The following JADE2 variants were observed in gnomAD, a reference collection of about 807,000 sequenced individuals.
JADE2 encodes the protein jade family PHD finger 2.
JADE2 carries 13 observed loss-of-function variants against 85.7 expected under a neutral mutation model. The observed-to-expected ratio is 0.15, with a 90% CI of 0.10 to 0.24. JADE2 has a LOEUF of 0.24. Among genes scored for constraint, JADE2 ranks in the 10% least tolerant of loss-of-function variants. The pLI, the probability that JADE2 is intolerant of heterozygous loss-of-function variation, is 1.00. For synonymous variants in JADE2, 440 were observed against 456.1 expected (o/e 0.96, Z 0.45); for missense variants, 846 against 1,115.9 (o/e 0.76, Z 3.45).
intron 1 of JADE2, among the ~76,000 whole-genome samples, chr5:134,531,589 C>T (rs1761239333): frequency 1.4e-5 from 2 of 147,082 alleles, no homozygotes; most frequent in African/African-American, 5.0e-5. Context: ...TGATTTATAC[C>T]TTTTTTTTTT....
intron 3 of JADE2, among the ~76,000 whole-genome samples, chr5:134,551,653 C>T (rs938805097): frequency 9.9e-5 from 15 of 152,036 alleles, no homozygotes; most frequent in African/African-American, 3.6e-4. Flanking sequence ...GTTGGGATTA[C>T]AGGCATGAGC....
chr5:134,554,182 A>G (rs1311360379), intron 4 of JADE2, among the ~76,000 whole-genome samples: 1 of 152,172 alleles, frequency 6.6e-6, no homozygotes, highest in Non-Finnish European at 1.5e-5. Flanking sequence ...GCAGACTCGA[A>G]GCCCCAATAG....
intron 4 of JADE2, among the ~76,000 whole-genome samples, chr5:134,556,674 G>GCA (rs200331658): frequency 2.9e-4 from 16 of 55,328 alleles, no homozygotes; most frequent in African/African-American, 9.0e-4. Context: ...CATACCACAT[G>GCA]CACACACACA....
intron 9 of JADE2, among the ~76,000 whole-genome samples, chr5:134,570,600 T>G (rs575212510): frequency 6.6e-6 from 1 of 152,298 alleles, no homozygotes; most frequent in East Asian, 1.9e-4. Flanking sequence ...CCACCTGGGC[T>G]GCCTGCAGCC....
Position 134,525,812 on chromosome 5 carries a change from C to A in JADE2, c.-200C>A, listed in dbSNP as rs978168808. 13 of 1,012,218 alleles carry A rather than the reference C, an allele frequency of 1.3e-5. No individual in the cohort carries two copies. Among genetic ancestry groups the A allele is most frequent in the South Asian group, 3.5e-5 (1 of 28,672 alleles). The allele number at this position is 1,012,218 out of a possible 1,614,324, so 62.7% of individuals were successfully genotyped here. ...ACCGGCTTAGGTCCTGCGGGCCGAC[C>A]GTCCCCGGCGGGGGGCGTGGGGCCT... On this transcript the variant is annotated 5_prime_UTR_variant, in exon 1 of 12. Coordinates refer to ENST00000681547, the MANE Select transcript of JADE2 (RefSeq NM_001388185.1).
rs887782346 is a variant in JADE2, at chr5:134,561,562, G to A, written c.684+605G>A. Among the ~76,000 whole-genome samples the A allele has an allele frequency of 2.7e-5, 4 of 148,330 alleles. No individual in the cohort carries two copies. In the Admixed American group the frequency reaches 2.7e-4, roughly 10 times the overall value. ...AGGCTCTAGGTCTTGAGTATCTCTGGGCCTTGACTGCAGACCTGACTGGGA... is the reference window on the plus strand; with the variant it reads ...AGGCTCTAGGTCTTGAGTATCTCTGAGCCTTGACTGCAGACCTGACTGGGA... On this transcript the variant is annotated intron_variant, in intron 6 of 11. Transcript: ENST00000681547.
rs900934098 is a variant in JADE2, at chr5:134,578,399, C to T, written c.1682-95C>T. 3 of 924,644 alleles carry T rather than the reference C, an allele frequency of 3.2e-6. No individual in the cohort carries two copies. Among genetic ancestry groups the T allele is most frequent in the South Asian group, 1.6e-5 (1 of 62,426 alleles). 57.3% of individuals were successfully genotyped at this position (924,644 alleles called of 1,614,324 possible). A position where few individuals can be genotyped will look rare whatever the true frequency, so the allele number is the denominator to read the frequency against. ...CTGGCACAGGGGGACAGAGAGAAGA[C>T]GATGCCTGGTGGTGTGCTGGGAGCG... On this transcript the variant is annotated intron_variant, in intron 11 of 11. Coordinates refer to ENST00000681547, the MANE Select transcript of JADE2 (RefSeq NM_001388185.1). The surrounding 1 kb of genome is among the most constrained non-coding windows in gnomAD (Gnocchi z 4.4).
Position 134,525,738 on chromosome 5 carries a change from G to T in JADE2, c.-274G>T, listed in dbSNP as rs746209708. On this transcript the variant is annotated 5_prime_UTR_variant, in exon 1 of 12. Transcript: ENST00000681547. ...ATCGCAGTTGGAGGCTATTTTTTGG[G>T]GGGGGTGAGTAGCGTCCATGGAGTT... is the stretch of plus-strand genomic sequence containing the variant. 2.9e-5 allele frequency: 36 copies of T among 1,231,898 alleles called. No individual in the cohort carries two copies. The highest frequency in any genetic ancestry group is 3.5e-5 in the Non-Finnish European group (34 of 965,018). The allele number at this position is 1,231,898 out of a possible 1,614,324, so 76.3% of individuals were successfully genotyped here.
At chr5:134,563,090 G>A (rs329307) in intron 7 of JADE2, among the ~76,000 whole-genome samples, 61,552 of 151,714 alleles carry the variant, frequency 0.41, 13,335 homozygotes, top group Non-Finnish European at 0.48. Flanking sequence ...GGCCGAGGTG[G>A]GTGAATCACT....
chr5:134,534,755 A>C (rs1182063306), intron 1 of JADE2, among the ~76,000 whole-genome samples: 1 of 152,116 alleles, frequency 6.6e-6, no homozygotes, highest in African/African-American at 2.4e-5. Context: ...TCAGTCAGGG[A>C]ACACAGGGGA....
rs1434291757 is a variant in JADE2, at chr5:134,552,884, G to A, written c.311+675G>A. ...GATGGGGATTTGCCATGTTGCCCGG[G>A]CTGATCTTGAACTCCTGGGCTCAAG... On this transcript the variant is annotated intron_variant, in intron 4 of 11. Coordinates refer to ENST00000681547, the MANE Select transcript of JADE2 (RefSeq NM_001388185.1). Among the ~76,000 whole-genome samples the A allele has an allele frequency of 4.6e-5, 7 of 151,682 alleles. No homozygotes were observed. The East Asian group carries it at 1.2e-3, about 25-fold the overall frequency.
rs1428098316 is a variant in JADE2 at position 134,579,199 on chromosome 5, A to G, written c.2387A>G (p.Tyr796Cys). The G allele has an allele frequency of 6.2e-7, 1 of 1,614,226 alleles. No individual in the cohort carries two copies. The highest frequency in any genetic ancestry group is 8.5e-7 in the Non-Finnish European group (1 of 1,180,044). The change falls in exon 12 of 12, where the codon TAC becomes TGC. Residue 796 changes from tyrosine to cysteine, a missense_variant. Physicochemically the swap from Tyr to Cys is radical, Grantham distance 194. This residue lies in a region of JADE2 where 300 missense variants were observed against 300.7 expected (regional missense o/e 1.00). Transcript: ENST00000681547. This position sits in a 1 kb window ranked among gnomAD's most constrained non-coding sequence, Gnocchi z 4.6. ...CATTTTGACACTGAGACTGATGGCT[A>G]CTTCTCTGATGGGGAGATGAGCGAC... ...SLHFDTETDG[Y>C]FSDGEMSDSD...
chr5:134,571,420 C>T (rs537153202), intron 9 of JADE2, among the ~76,000 whole-genome samples: 1 of 152,196 alleles, frequency 6.6e-6, no homozygotes, highest in Non-Finnish European at 1.5e-5. Flanking sequence ...AGCCCTGGGC[C>T]GGGCGCGGTG....
Position 134,538,104 on chromosome 5 carries a change from C to G in JADE2, c.153+21C>G, listed in dbSNP as rs768224174. 5 of 1,583,150 alleles carry G rather than the reference C, an allele frequency of 3.2e-6. No individual in the cohort carries two copies. The South Asian group carries it at 5.5e-5, about 18-fold the overall frequency. On this transcript the variant is annotated intron_variant, in intron 3 of 11. Transcript: ENST00000681547. ...CCGAGGTGGGTAGTGATGAGCTTCC[C>G]AGAGATCTGTGGGGAGTGAGAGTGA... is the stretch of plus-strand genomic sequence containing the variant.
rs990341113 is a variant in JADE2 at position 134,580,122 on chromosome 5, GC to G, written c.*806del. 3.3e-5 allele frequency: 5 copies of G among 152,814 alleles called. No homozygotes were observed. The East Asian group carries it at 7.7e-4, about 24-fold the overall frequency. The allele number at this position is 152,814 out of a possible 1,614,324, so 9.5% of individuals were successfully genotyped here. A position where few individuals can be genotyped will look rare whatever the true frequency, so the allele number is the denominator to read the frequency against. On this transcript the variant is annotated 3_prime_UTR_variant, in exon 12 of 12. Transcript: ENST00000681547. ...GCCAGTGCCCAGACAGGGTCATGGGGCTCAGACCAGCCCACTGTAGAGAATC... is the reference window on the plus strand; with the variant it reads ...GCCAGTGCCCAGACAGGGTCATGGGGTCAGACCAGCCCACTGTAGAGAATC...
intron 1 of JADE2, among the ~76,000 whole-genome samples, chr5:134,535,149 C>T (rs1761504879): frequency 6.6e-6 from 1 of 152,120 alleles, no homozygotes; most frequent in South Asian, 2.1e-4. Context: ...GTATGAGGCC[C>T]CTATGTGAGA....
intron 10 of JADE2, 27 bp from the exon 11 acceptor site, chr5:134,576,741 C>T: frequency 1.3e-6 from 2 of 1,550,414 alleles, no homozygotes; most frequent in Non-Finnish European, 1.7e-6. Flanking sequence ...AACCATCTCC[C>T]TCCTCCTCTC....
At chr5:134,527,595 C>T (rs1175187943) in intron 1 of JADE2, among the ~76,000 whole-genome samples, 1 of 151,890 alleles carries the variant, frequency 6.6e-6, no homozygotes, top group East Asian at 2.0e-4. Flanking sequence ...GGTCGAACAG[C>T]CTCTTGCCCT....
chr5:134,545,699 G>T (rs752385634), intron 3 of JADE2, among the ~76,000 whole-genome samples: 1 of 152,162 alleles, frequency 6.6e-6, no homozygotes, highest in Non-Finnish European at 1.5e-5. Context: ...TCTGTAAAAT[G>T]GGGGTAATAT....
Sources: gnomAD v4.1 joint callset for allele counts (sites outside exome capture counted in the v4.1 genomes callset) on GRCh38, gnomAD v4.1.1 for gene constraint, gnomAD v4.1.1 regional missense constraint, Gnocchi (gnomAD v3.1) non-coding constraint, MANE v1.5 for transcripts, NCBI Gene and HGNC (gene_info 2026-07-23, HGNC 2026-07-21) for gene names.